Variants in PRUNE2 observed in about 807,000 individuals in gnomAD.
PRUNE2 encodes the protein protein prune homolog 2.
A neutral mutation model predicts 252.0 loss-of-function variants in PRUNE2; 164 were observed. The observed-to-expected ratio is 0.65, with a 90% CI of 0.57 to 0.74. The LOEUF is 0.74. Among genes scored for constraint, PRUNE2 ranks in the 30% least tolerant of loss-of-function variants. The pLI, the probability that PRUNE2 is intolerant of heterozygous loss-of-function variation, is 0.00. For synonymous variants in PRUNE2, 1,292 were observed against 1,350.2 expected, an observed-to-expected ratio of 0.96 and a Z score of 0.94; for missense variants, 3,495 against 3,711.0, an observed-to-expected ratio of 0.94 and a Z score of 1.51.
chr9:76,899,544 C>T (rs1024189975), intron 1 of PRUNE2, among the ~76,000 whole-genome samples: 1 of 152,088 alleles, frequency 6.6e-6, no homozygotes, highest in Non-Finnish European at 1.5e-5. Context: ...TATTGAGCCA[C>T]TACAAAGTGT....
intron 16 of PRUNE2, 108 bp from the exon 17 acceptor site, chr9:76,624,598 C>G: frequency 4.5e-6 from 3 of 670,798 alleles, no homozygotes; most frequent in Non-Finnish European, 6.8e-6. Flanking sequence ...TGCATATGTG[C>G]TTTTCGAAAC....
intron 4 of PRUNE2, among the ~76,000 whole-genome samples, chr9:76,829,655 C>G (rs955106193): frequency 1.3e-5 from 2 of 152,134 alleles, no homozygotes. Flanking sequence ...TATACCAACC[C>G]CTGCCTAGGG....
chr9:76,800,732 C>A (rs962759614), intron 6 of PRUNE2, among the ~76,000 whole-genome samples: 1 of 152,128 alleles, frequency 6.6e-6, no homozygotes, highest in East Asian at 1.9e-4. Flanking sequence ...CACCCCTGTT[C>A]ACCTGGATGG....
chr9:76,772,334 T>C (rs1049199057), intron 6 of PRUNE2, among the ~76,000 whole-genome samples: 3 of 152,168 alleles, frequency 2.0e-5, no homozygotes, highest in African/African-American at 7.2e-5. Context: ...AAAATATTTA[T>C]TTTAATTTTT....
chr9:76,796,835 G>A (rs2056134501), intron 6 of PRUNE2, among the ~76,000 whole-genome samples: 1 of 152,164 alleles, frequency 6.6e-6, no homozygotes, highest in Admixed American at 6.5e-5. Flanking sequence ...GAAGGCTGAG[G>A]AAGAGGGAGC....
chr9:76,670,021 T>C (rs2041010936), intron 9 of PRUNE2, among the ~76,000 whole-genome samples: 1 of 152,148 alleles, frequency 6.6e-6, no homozygotes, highest in Non-Finnish European at 1.5e-5. Context: ...GTTCATTCAG[T>C]GACTTAACAA....
intron 6 of PRUNE2, among the ~76,000 whole-genome samples, chr9:76,795,095 A>G (rs1219157645): frequency 6.6e-6 from 1 of 152,144 alleles, no homozygotes; most frequent in Non-Finnish European, 1.5e-5. Flanking sequence ...TAATTGAATG[A>G]CGCTGGCCAG....
chr9:76,646,059 C>T (rs973842448), intron 11 of PRUNE2, among the ~76,000 whole-genome samples: 19 of 152,200 alleles, frequency 1.2e-4, no homozygotes, highest in Admixed American at 7.9e-4. Flanking sequence ...TTACCTTTTT[C>T]AGCCCTTCTA....
chr9:76,727,052 G>A (rs2048161397), intron 6 of PRUNE2, among the ~76,000 whole-genome samples: 2 of 152,154 alleles, frequency 1.3e-5, no homozygotes, highest in Non-Finnish European at 2.9e-5. Flanking sequence ...CTCAACCTTG[G>A]CACTACTGAC....
intron 6 of PRUNE2, among the ~76,000 whole-genome samples, chr9:76,821,125 T>C (rs2058016227): frequency 6.6e-6 from 1 of 152,180 alleles, no homozygotes; most frequent in South Asian, 2.1e-4. Context: ...TCACCTAGAC[T>C]ACATTTAGCT....
At chr9:76,855,621 A>G (rs964655920) in intron 1 of PRUNE2, among the ~76,000 whole-genome samples, 10 of 152,246 alleles carry the variant, frequency 6.6e-5, no homozygotes, top group Admixed American at 1.3e-4. Context: ...AGGTTAGTCT[A>G]TCATTATAGA....
At chr9:76,848,212 T>C (rs142958449) in intron 3 of PRUNE2, among the ~76,000 whole-genome samples, 2,833 of 152,174 alleles carry the variant, frequency 0.019, 91 homozygotes, top group African/African-American at 0.064. Context: ...TGCAGTGAGC[T>C]GAGATCGTGC....
At chr9:76,652,175 C>A in intron 11 of PRUNE2, 1 of 238,244 alleles carries the variant, frequency 4.2e-6, no homozygotes, top group East Asian at 8.0e-5. Context: ...AATTCTCTTC[C>A]CCTGCAAACC....
intron 6 of PRUNE2, among the ~76,000 whole-genome samples, chr9:76,730,436 G>C (rs1166463687): frequency 6.6e-6 from 1 of 152,158 alleles, no homozygotes; most frequent in Non-Finnish European, 1.5e-5. Context: ...CAAATCACCT[G>C]GGATTCTTGC....
intron 3 of PRUNE2, among the ~76,000 whole-genome samples, chr9:76,848,006 G>A (rs2059760749): frequency 6.6e-6 from 1 of 152,240 alleles, no homozygotes; most frequent in Admixed American, 6.5e-5. Context: ...GCTCACGCCT[G>A]TAATCCCAGC....
chr9:76,782,898 T>C (rs1364498835), intron 6 of PRUNE2: 1 of 152,248 alleles, frequency 6.6e-6, no homozygotes, highest in East Asian at 1.9e-4. Context: ...ACCATATACC[T>C]GCTATTCGCT....
intron 9 of PRUNE2, among the ~76,000 whole-genome samples, chr9:76,671,869 A>C (rs1324967208): frequency 3.3e-5 from 5 of 152,052 alleles, no homozygotes; most frequent in African/African-American, 4.8e-5. Flanking sequence ...TTTTGTCACC[A>C]CCAGGCCTGC....
intron 12 of PRUNE2, among the ~76,000 whole-genome samples, chr9:76,639,434 T>C (rs1416089102): frequency 6.6e-6 from 1 of 152,190 alleles, no homozygotes; most frequent in African/African-American, 2.4e-5. Context: ...GAGGTTGCAG[T>C]GAGCCAAGAT....
intron 6 of PRUNE2, among the ~76,000 whole-genome samples, chr9:76,806,601 G>A (rs913714408): frequency 2.7e-5 from 4 of 149,672 alleles, no homozygotes; most frequent in Non-Finnish European, 4.4e-5. Context: ...TCCGCCTCCC[G>A]GGTTCACGCC....
Sources: allele counts gnomAD v4.1 joint callset (sites outside exome capture counted in the v4.1 genomes callset), GRCh38; gene constraint gnomAD v4.1.1; transcripts MANE v1.5; gene names NCBI Gene and HGNC (gene_info 2026-07-23, HGNC 2026-07-21).